Variants in DNA2 observed in about 807,000 individuals in gnomAD.
DNA2 encodes the protein DNA replication ATP-dependent helicase/nuclease DNA2.
A neutral mutation model predicts 119.1 loss-of-function variants in DNA2; 101 were observed. The ratio of observed to expected loss-of-function variants is 0.85; its 90% confidence interval spans 0.72 to 1.00. The LOEUF (loss-of-function observed/expected upper bound fraction) is 1.00. Ranked by LOEUF, DNA2 falls within the 50% of genes least tolerant of loss-of-function variation. The pLI is 0.00. For synonymous variants in DNA2, 366 were observed against 424.4 expected, an observed-to-expected ratio of 0.86 and a Z score of 1.69; for missense variants, 1,121 against 1,255.5, an observed-to-expected ratio of 0.89 and a Z score of 1.62.
At chr10:68,442,380 G>C (rs565386027) in intron 9 of DNA2, among the ~76,000 whole-genome samples, 2 of 150,624 alleles carry the variant, frequency 1.3e-5, no homozygotes, top group Admixed American at 1.3e-4. Flanking sequence ...CACCACGCCC[G>C]GCTAATTTTT....
Position 68,470,027 on chromosome 10 carries a change from A to T in DNA2, c.211T>A (p.Ser71Thr). ...AGTTCTTTATTTTCTAGTGACTGTG[A>T]AGCAGTGATGACCAGGCGCTTTTCA... ...NCEKRLVITA[S>T]QSLENKELCI... The change falls in exon 2 of 21, where the codon TCA (serine) becomes ACA (threonine). Residue 71 changes from serine to threonine, a missense_variant. By Grantham distance (58) the Ser-to-Thr change is moderately conservative (BLOSUM62 1). Transcript: ENST00000358410. The T allele has an allele frequency of 6.2e-7, 1 of 1,612,818 alleles. No homozygotes were observed. The highest frequency in any genetic ancestry group is 8.5e-7 in the Non-Finnish European group (1 of 1,179,678).
At chr10:68,437,686 G>A (rs1445427825) in intron 9 of DNA2, among the ~76,000 whole-genome samples, 49 of 92,968 alleles carry the variant, frequency 5.3e-4, no homozygotes, top group African/African-American at 2.0e-3. Context: ...AAACAAAACA[G>A]ACTAATATTG....
At chr10:68,444,795 G>T (rs938023606) in intron 8 of DNA2, 126 bp downstream of exon 8, 3 of 559,020 alleles carry the variant, frequency 5.4e-6, no homozygotes, top group Non-Finnish European at 8.9e-6. Flanking sequence ...GAAATAATAC[G>T]AAGGAAAATA....
rs2051898318 is a variant in DNA2 at position 68,437,070 on chromosome 10, A to G, written c.1587T>C (p.Ala529=). 1.2e-6 allele frequency: 2 copies of G among 1,613,972 alleles called. No individual in the cohort carries two copies. The highest frequency in any genetic ancestry group is 2.2e-5 in the East Asian group (1 of 44,868). ...IVSGEERSLF[A]LSRGYVKEIN... ...TCTCCTTCACATATCCTCTAGACAA[A>G]GCAAACAGTGACCTTTCTTCTCCAC... Residue 529 remains alanine (A), a synonymous_variant, in exon 10 of 21, where the codon GCT becomes GCC. Transcript: ENST00000358410.
In DNA2 at chr10:68,450,191, A is replaced by G. The variant is rs768840928; in HGVS notation, c.776T>C (p.Met259Thr). ...STCNIEVVKP[M>T]DIEESIWSPR... is the part of the protein sequence containing the mutation. ...GGACCAAATGCTTTCTTCAATATCC[A>G]TTGGTTTCACGACTTCAATGTTACA... is the stretch of plus-strand genomic sequence containing the variant. Residue 259 changes from methionine (M) to threonine (T), a missense_variant, in exon 6 of 21, where the codon ATG becomes ACG. Transcript: ENST00000358410. The G allele has an allele frequency of 6.9e-6, 11 of 1,602,720 alleles. No individual in the cohort carries two copies. In the East Asian group the frequency reaches 2.0e-4, roughly 29 times the overall value.
intron 4 of DNA2, among the ~76,000 whole-genome samples, chr10:68,460,100 T>C (rs898023180): frequency 2.0e-5 from 3 of 151,902 alleles, no homozygotes; most frequent in African/African-American, 7.3e-5. Context: ...TCTTTTTCTT[T>C]TTCTCTTTTC....
intron 4 of DNA2, 35 bp from the exon 5 acceptor site, chr10:68,459,270 T>TA: frequency 6.7e-7 from 1 of 1,487,014 alleles, no homozygotes; most frequent in Non-Finnish European, 8.9e-7. Context: ...GACTTAGACT[T>TA]AAGCGGTACC....
At position 68,432,278 on chromosome 10, in the gene DNA2, G is replaced by A. The variant is rs765257819; in HGVS notation, c.1801C>T (p.Pro601Ser). Residue 601 changes from proline (P) to serine (S), a missense_variant, in exon 12 of 21, where the codon CCT (proline) becomes TCT (serine). Coordinates refer to ENST00000358410, the MANE Select transcript of DNA2 (RefSeq NM_001080449.3). Reference protein sequence around the residue: ...LRDLIIDFREPQFISYLSSVL... With the variant: ...LRDLIIDFRESQFISYLSSVL... ...GAACTAAGGTAGGATATAAACTGAG[G>A]TTCACGAAAGTCAATAATTAAATCT... 8 of 1,608,966 alleles carry A rather than the reference G, an allele frequency of 5.0e-6. No homozygotes were observed. Among genetic ancestry groups the A allele is most frequent in the Non-Finnish European group, 3.4e-6 (4 of 1,178,446 alleles).
At chr10:68,466,933 A>G (rs762844457) in intron 3 of DNA2, among the ~76,000 whole-genome samples, 3 of 152,076 alleles carry the variant, frequency 2.0e-5, no homozygotes, top group Non-Finnish European at 4.4e-5. Flanking sequence ...TCATGCCTAT[A>G]GTCCCAGCTA....
At chr10:68,456,466 G>C (rs779431807) in intron 5 of DNA2, among the ~76,000 whole-genome samples, 3 of 152,172 alleles carry the variant, frequency 2.0e-5, no homozygotes, top group Admixed American at 6.5e-5. Flanking sequence ...CCAGGCTACA[G>C]TGCAGTGGCA....
At chr10:68,472,204 C>T, upstream of DNA2, 3 of 1,244,324 alleles carry the variant, frequency 2.4e-6, no homozygotes, top group Non-Finnish European at 3.1e-6. Flanking sequence ...ACACCATTCT[C>T]CTGCTTCAGC....
chr10:68,431,327 G>A (rs914708795), intron 13 of DNA2, among the ~76,000 whole-genome samples: 5 of 151,048 alleles, frequency 3.3e-5, no homozygotes, highest in African/African-American at 4.9e-5. Context: ...TTGTTGTCCA[G>A]ATTGGAATGC....
At chr10:68,436,539 T>C (rs1226687916) in intron 10 of DNA2, among the ~76,000 whole-genome samples, 1 of 152,168 alleles carries the variant, frequency 6.6e-6, no homozygotes, top group African/African-American at 2.4e-5. Context: ...TAAACGCCAC[T>C]CAATTATACA....
chr10:68,447,174 G>C (rs982499915), intron 6 of DNA2, among the ~76,000 whole-genome samples: 1 of 152,010 alleles, frequency 6.6e-6, no homozygotes, highest in African/African-American at 2.4e-5. Context: ...CAAAAACGTA[G>C]TGAGATCCCC....
Position 68,465,792 on chromosome 10 carries a change from G to T in DNA2, c.462C>A (p.Arg154=). 1.9e-6 allele frequency: 3 copies of T among 1,586,340 alleles called. No individual in the cohort carries two copies. Among genetic ancestry groups the T allele is most frequent in the Non-Finnish European group, 2.6e-6 (3 of 1,166,772 alleles). ...ETFRSSDPAT[R]QMLIGTVLHE... is the part of the protein sequence containing the mutation. ...GGAGAACCGTACCAATTAGCATTTG[G>T]CGTGTGGCTGGATCAGAGCTCTACA... The change falls in exon 4 of 21, where the codon CGC becomes CGA. Residue 154 remains arginine, a synonymous_variant. Transcript: ENST00000358410.
intron 12 of DNA2, 68 bp downstream of exon 12, chr10:68,432,138 A>C: frequency 8.3e-7 from 1 of 1,211,000 alleles, no homozygotes; most frequent in South Asian, 1.4e-5. Context: ...TCAAGATATT[A>C]GACTACAGTA....
chr10:68,471,947 G>A lies in DNA2; in HGVS notation c.-83C>T. ...CAGAAAGCTTAGAAAAGGGAAAAAG[G>A]CGCGAGCCTGCGCACCTCGCGCGCA... is the stretch of plus-strand genomic sequence containing the variant. On this transcript the variant is annotated 5_prime_UTR_variant, in exon 1 of 21. Transcript: ENST00000358410. 1 of 1,613,028 alleles carries A rather than the reference G, an allele frequency of 6.2e-7. No homozygotes were observed.
rs1421904895 is a variant in DNA2, at chr10:68,470,006, C to A, written c.232G>T (p.Glu78Ter). 3 of 1,607,440 alleles carry A rather than the reference C, an allele frequency of 1.9e-6. No homozygotes were observed. In the African/African-American group the frequency reaches 4.0e-5, roughly 22 times the overall value. Residue 78 changes from glutamate (E) to a stop codon, truncating the protein, a stop_gained, in exon 2 of 21, where the codon GAA becomes TAA. Coordinates refer to ENST00000358410, the MANE Select transcript of DNA2 (RefSeq NM_001080449.3). LOFTEE classifies it high-confidence loss of function. The stretch of plus-strand genomic sequence containing the variant: ...CAGTCATTCCTAAGGATGCATAGTT[C>A]TTTATTTTCTAGTGACTGTGAAGCA... ...ITASQSLENK[E>*]LCILRNDWCS... is the part of the protein sequence containing the mutation.
intron 9 of DNA2, among the ~76,000 whole-genome samples, chr10:68,442,635 C>T (rs1162677392): frequency 1.3e-5 from 2 of 152,226 alleles, no homozygotes; most frequent in Non-Finnish European, 2.9e-5. Context: ...GATCCACCCA[C>T]CTCGGCCTCC....
Sources: gnomAD v4.1 joint callset for allele counts (sites outside exome capture counted in the v4.1 genomes callset) on GRCh38, gnomAD v4.1.1 for gene constraint, MANE v1.5 for transcripts, NCBI Gene and HGNC (gene_info 2026-07-23, HGNC 2026-07-21) for gene names.